Variants in FOCAD observed in about 807,000 individuals in gnomAD.
FOCAD encodes the protein KIAA1797.
Under a neutral mutation model 225.6 loss-of-function variants are expected in FOCAD, and 198 were observed. The observed-to-expected ratio is 0.88, with a 90% CI of 0.78 to 0.99. The LOEUF is 0.99. FOCAD is among the 50% of genes least tolerant of loss of function. The pLI is 0.00. For missense variants in FOCAD, 2,713 were observed against 2,123.6 expected (o/e 1.28, Z -5.46); for synonymous variants, 897 against 755.0 (o/e 1.19, Z -3.08).
At chr9:20,730,172 C>T (rs768640652) in intron 4 of FOCAD, among the ~76,000 whole-genome samples, 15 of 152,250 alleles carry the variant, frequency 9.9e-5, no homozygotes, top group Non-Finnish European at 1.6e-4. Flanking sequence ...CTCAGGAGGA[C>T]ATAGTATCTG....
intron 2 of FOCAD, among the ~76,000 whole-genome samples, chr9:20,671,270 T>C (rs932502637): frequency 2.6e-5 from 4 of 150,980 alleles, no homozygotes; most frequent in African/African-American, 9.7e-5. Context: ...CGGTGGCAAA[T>C]TTCAAGAACT....
At chr9:20,780,021 T>C (rs1819212139) in intron 9 of FOCAD, among the ~76,000 whole-genome samples, 1 of 152,214 alleles carries the variant, frequency 6.6e-6, no homozygotes, top group African/African-American at 2.4e-5. Context: ...TACCCAAAGG[T>C]ATAATTTACC....
intron 19 of FOCAD, among the ~76,000 whole-genome samples, chr9:20,878,546 A>C (rs1830415315): frequency 6.6e-6 from 1 of 152,286 alleles, no homozygotes; most frequent in Non-Finnish European, 1.5e-5. Context: ...TGAGAGAACA[A>C]TTTCGCATAT....
intron 5 of FOCAD, 103 bp from the exon 6 acceptor site, chr9:20,757,987 A>T: frequency 1.8e-6 from 1 of 557,718 alleles, no homozygotes. Context: ...TCGTGAAAAA[A>T]GTCTCTAGAT....
At chr9:20,972,788 A>G (rs1334623144) in intron 35 of FOCAD, among the ~76,000 whole-genome samples, 1 of 151,706 alleles carries the variant, frequency 6.6e-6, no homozygotes, top group Non-Finnish European at 1.5e-5. Flanking sequence ...ACTCTGCCCT[A>G]TTTCTTCTTC....
At chr9:20,739,360 T>C (rs1827411422) in intron 4 of FOCAD, among the ~76,000 whole-genome samples, 1 of 152,168 alleles carries the variant, frequency 6.6e-6, no homozygotes, top group South Asian at 2.1e-4. Flanking sequence ...TCCCAGCACT[T>C]TGGGAGGCTG....
intron 1 of FOCAD, among the ~76,000 whole-genome samples, chr9:20,710,769 A>G (rs1208779011): frequency 6.6e-6 from 1 of 152,174 alleles, no homozygotes; most frequent in Non-Finnish European, 1.5e-5. Flanking sequence ...TACCTTTTAG[A>G]TTATAAAAGA....
chr9:20,946,230 C>A (rs1438453276), intron 29 of FOCAD, among the ~76,000 whole-genome samples: 1 of 152,204 alleles, frequency 6.6e-6, no homozygotes, highest in African/African-American at 2.4e-5. Flanking sequence ...TTATGCTCCA[C>A]TACTTCTCCT....
chr9:20,764,772 TTA>T (rs1829912414), intron 6 of FOCAD, 95 bp from the exon 7 acceptor site: 2 of 902,802 alleles, frequency 2.2e-6, no homozygotes, highest in Non-Finnish European at 3.5e-6. Context: ...ATATGGTAGA[TTA>T]TGTTATGTCA....
At position 20,938,552 on chromosome 9, in the gene FOCAD, C is replaced by G. The variant is rs187137045; in HGVS notation, c.3407+5449C>G. Among the ~76,000 whole-genome samples, 1,010 of 144,508 alleles carry G rather than the reference C, an allele frequency of 7.0e-3. 11 individuals carry two copies. Among genetic ancestry groups the G allele is most frequent in the African/African-American group, 0.024 (943 of 38,838 alleles). 94.8% of individuals were successfully genotyped at this position (144,508 alleles called of 152,430 possible). On this transcript the variant is annotated intron_variant, in intron 28 of 43. Transcript: ENST00000338382. Reference sequence around the variant, plus strand: ...AATGAGAACACATGGACACAGGAAGCGGAACATCACACACGGGGGCCTGTT... The same window carrying G: ...AATGAGAACACATGGACACAGGAAGGGGAACATCACACACGGGGGCCTGTT...
chr9:20,800,034 A>G (rs770421122), intron 11 of FOCAD, among the ~76,000 whole-genome samples: 1 of 151,832 alleles, frequency 6.6e-6, no homozygotes, highest in Non-Finnish European at 1.5e-5. Context: ...GCCTTTTAGG[A>G]CAGGCCTGGT....
chr9:20,690,866 G>T (rs1367573234), intron 1 of FOCAD, among the ~76,000 whole-genome samples: 1 of 151,336 alleles, frequency 6.6e-6, no homozygotes, highest in African/African-American at 2.4e-5. Flanking sequence ...TAAATCTAAA[G>T]GTCTGTTCCA....
At chr9:20,929,622 T>C in intron 27 of FOCAD, 26 bp downstream of exon 27, 3 of 1,596,196 alleles carry the variant, frequency 1.9e-6, no homozygotes, top group Non-Finnish European at 2.6e-6. Flanking sequence ...ATATTCCTGC[T>C]TTTCTTCTTT....
intron 15 of FOCAD, among the ~76,000 whole-genome samples, chr9:20,860,056 T>C (rs1225552449): frequency 2.0e-5 from 3 of 152,110 alleles, no homozygotes; most frequent in Non-Finnish European, 2.9e-5. Flanking sequence ...AATTGTATGG[T>C]AGTTGAATTA....
At chr9:20,677,440 A>G (rs1327566983) in intron 2 of FOCAD, among the ~76,000 whole-genome samples, 1 of 152,200 alleles carries the variant, frequency 6.6e-6, no homozygotes, top group Non-Finnish European at 1.5e-5. Flanking sequence ...AACTTACAGA[A>G]TGAGAGAAAT....
intron 11 of FOCAD, among the ~76,000 whole-genome samples, chr9:20,814,388 C>T (rs771262663): frequency 1.3e-5 from 2 of 151,298 alleles, no homozygotes; most frequent in Non-Finnish European, 2.9e-5. Context: ...TGAAGTCTCA[C>T]TCTGTCGCCC....
intron 16 of FOCAD, among the ~76,000 whole-genome samples, chr9:20,864,626 G>A (rs1829070639): frequency 6.6e-6 from 1 of 151,924 alleles, no homozygotes; most frequent in Non-Finnish European, 1.5e-5. Flanking sequence ...TATACTACAG[G>A]TATATGTATG....
At chr9:20,745,967 G>C (rs559614426) in intron 5 of FOCAD, among the ~76,000 whole-genome samples, 74 of 152,282 alleles carry the variant, frequency 4.9e-4, no homozygotes, top group African/African-American at 1.6e-3. Context: ...GGAGAGTTAA[G>C]TTTAAGGACT....
At chr9:20,761,180 T>C (rs1829560982) in intron 6 of FOCAD, among the ~76,000 whole-genome samples, 1 of 152,106 alleles carries the variant, frequency 6.6e-6, no homozygotes, top group Non-Finnish European at 1.5e-5. Context: ...ATTTGGGTAT[T>C]ATTTTATAAT....
Sources: allele counts gnomAD v4.1 joint callset (sites outside exome capture counted in the v4.1 genomes callset), GRCh38; gene constraint gnomAD v4.1.1; transcripts MANE v1.5; gene names NCBI Gene and HGNC (gene_info 2026-07-23, HGNC 2026-07-21).